The following PIP4K2A variants were observed in gnomAD, a reference collection of about 807,000 sequenced individuals.
PIP4K2A encodes phosphatidylinositol 5-phosphate 4-kinase type-2 alpha.
Under a neutral mutation model 42.9 loss-of-function variants are expected in PIP4K2A, and 14 were observed. The observed-to-expected ratio is 0.33, with a 90% CI of 0.22 to 0.51. The LOEUF (loss-of-function observed/expected upper bound fraction) is 0.51, where lower values mean the gene tolerates loss of function less well. Among genes scored for constraint, PIP4K2A ranks in the 20% least tolerant of loss-of-function variants. PIP4K2A has a pLI of 0.97. For synonymous variants in PIP4K2A, 192 were observed against 192.2 expected (o/e 1.00, Z 0.01); for missense variants, 434 against 519.8 (o/e 0.83, Z 1.61).
At chr10:22,631,253 C>T (rs1190473238) in intron 1 of PIP4K2A, among the ~76,000 whole-genome samples, 1 of 152,164 alleles carries the variant, frequency 6.6e-6, no homozygotes, top group African/African-American at 2.4e-5. Flanking sequence ...CAAATTCCTA[C>T]AATGCAACCC....
intron 1 of PIP4K2A, among the ~76,000 whole-genome samples, chr10:22,634,515 G>A (rs974251784): frequency 6.6e-6 from 1 of 152,168 alleles, no homozygotes; most frequent in Non-Finnish European, 1.5e-5. Context: ...CTGTTAACCT[G>A]TTTGGCATTT....
intron 3 of PIP4K2A, among the ~76,000 whole-genome samples, chr10:22,597,125 G>A (rs1837652480): frequency 3.9e-5 from 6 of 152,230 alleles, no homozygotes; most frequent in Admixed American, 3.9e-4. Flanking sequence ...TGTGTACAAA[G>A]CTATCTGAAC....
chr10:22,626,849 A>G (rs1364412691), intron 1 of PIP4K2A, among the ~76,000 whole-genome samples: 1 of 152,228 alleles, frequency 6.6e-6, no homozygotes, highest in Admixed American at 6.5e-5. Flanking sequence ...ACTTTCTTTT[A>G]GCCTAGTAAA....
At chr10:22,712,107 G>A (rs1260494102) in intron 1 of PIP4K2A, among the ~76,000 whole-genome samples, 2 of 152,208 alleles carry the variant, frequency 1.3e-5, no homozygotes, top group South Asian at 2.1e-4. Context: ...TCCTCTGGTT[G>A]TGGATACTTA....
At chr10:22,610,865 G>C (rs192545007) in intron 1 of PIP4K2A, among the ~76,000 whole-genome samples, 4 of 152,288 alleles carry the variant, frequency 2.6e-5, no homozygotes, top group Admixed American at 2.0e-4. Flanking sequence ...CTCCGGAGGA[G>C]AGCAACCCCT....
intron 1 of PIP4K2A, chr10:22,694,319 T>A (rs1425179044): frequency 6.6e-6 from 1 of 152,212 alleles, no homozygotes; most frequent in East Asian, 1.9e-4. Context: ...ACAGGTTAGA[T>A]GTCACATGCC....
intron 1 of PIP4K2A, among the ~76,000 whole-genome samples, chr10:22,694,807 T>C (rs1299361811): frequency 6.6e-6 from 1 of 152,224 alleles, no homozygotes; most frequent in Middle Eastern, 3.2e-3. Flanking sequence ...TTTTAAAATT[T>C]TCAATAAATG....
At chr10:22,549,749 G>GAGAA (rs1311126666) in intron 7 of PIP4K2A, among the ~76,000 whole-genome samples, 1 of 147,472 alleles carries the variant, frequency 6.8e-6, no homozygotes, top group Non-Finnish European at 1.5e-5. Context: ...GCTGAGGCGG[G>GAGAA]AGAATGGCGT....
intron 1 of PIP4K2A, among the ~76,000 whole-genome samples, chr10:22,671,962 T>A (rs1381651174): frequency 6.6e-6 from 1 of 152,144 alleles, no homozygotes; most frequent in Non-Finnish European, 1.5e-5. Flanking sequence ...AATAATTTGT[T>A]TTTGGCAACC....
At chr10:22,605,193 CTTT>C (rs369936474) in intron 3 of PIP4K2A, among the ~76,000 whole-genome samples, 2 of 150,206 alleles carry the variant, frequency 1.3e-5, no homozygotes, top group Non-Finnish European at 2.9e-5. Context: ...CTTTTTCTTT[CTTT>C]TTTTTCTTTT....
At chr10:22,543,910 G>C (rs1187941023) in intron 7 of PIP4K2A, among the ~76,000 whole-genome samples, 1 of 152,190 alleles carries the variant, frequency 6.6e-6, no homozygotes, top group Non-Finnish European at 1.5e-5. Flanking sequence ...CAAGGCAGGG[G>C]GCAGGCTCTC....
intron 1 of PIP4K2A, among the ~76,000 whole-genome samples, chr10:22,699,238 G>A (rs1833661279): frequency 6.6e-6 from 1 of 152,060 alleles, no homozygotes; most frequent in Non-Finnish European, 1.5e-5. Context: ...TTCCATCTGG[G>A]TGCAGGCAGA....
At chr10:22,578,677 C>A (rs1837181894) in intron 4 of PIP4K2A, among the ~76,000 whole-genome samples, 1 of 151,032 alleles carries the variant, frequency 6.6e-6, no homozygotes, top group Non-Finnish European at 1.5e-5. Flanking sequence ...TCTCGATAAC[C>A]CCCAAACTTA....
intron 1 of PIP4K2A, among the ~76,000 whole-genome samples, chr10:22,666,294 T>C (rs947089723): frequency 6.6e-6 from 1 of 152,198 alleles, no homozygotes; most frequent in Non-Finnish European, 1.5e-5. Context: ...CTTTAAAGTA[T>C]ATTGTATAAC....
At chr10:22,609,391 A>C (rs1282099541) in intron 2 of PIP4K2A, among the ~76,000 whole-genome samples, 2 of 152,242 alleles carry the variant, frequency 1.3e-5, no homozygotes, top group Non-Finnish European at 2.9e-5. Context: ...ATCACTTTCA[A>C]CGTATAAGAT....
At chr10:22,600,552 T>C (rs1369367136) in intron 3 of PIP4K2A, among the ~76,000 whole-genome samples, 2 of 152,234 alleles carry the variant, frequency 1.3e-5, no homozygotes, top group Non-Finnish European at 2.9e-5. Context: ...GCCTCCTAAC[T>C]TCCCGGAAAT....
intron 1 of PIP4K2A, among the ~76,000 whole-genome samples, chr10:22,684,949 A>G (rs1839730819): frequency 6.6e-6 from 1 of 152,178 alleles, no homozygotes; most frequent in African/African-American, 2.4e-5. Flanking sequence ...TCCAGCTAGT[A>G]AAACAGGGTG....
intron 1 of PIP4K2A, among the ~76,000 whole-genome samples, chr10:22,664,386 T>C (rs1049596741): frequency 5.3e-5 from 8 of 150,584 alleles, no homozygotes; most frequent in African/African-American, 1.9e-4. Context: ...TATTTATGTT[T>C]CCTGGCTATT....
intron 1 of PIP4K2A, among the ~76,000 whole-genome samples, chr10:22,666,104 C>T (rs1035505673): frequency 2.0e-5 from 3 of 151,706 alleles, no homozygotes; most frequent in Admixed American, 2.0e-4. Context: ...TAATACAACA[C>T]ATTTTAATTA....
Sources: allele counts gnomAD v4.1 joint callset (sites outside exome capture counted in the v4.1 genomes callset), GRCh38; gene constraint gnomAD v4.1.1; transcripts MANE v1.5; gene names NCBI Gene and HGNC (gene_info 2026-07-23, HGNC 2026-07-21).